Variants in ANGPT1 observed in about 807,000 individuals in gnomAD.
ANGPT1 encodes the protein angiopoietin 1.
ANGPT1 carries 17 observed loss-of-function variants against 62.2 expected under a neutral mutation model. That is an observed-to-expected ratio of 0.27 (90% CI 0.19 to 0.41). ANGPT1 has a LOEUF of 0.41. Among genes scored for constraint, ANGPT1 ranks in the 10% least tolerant of loss-of-function variants. The pLI, the probability that ANGPT1 is intolerant of heterozygous loss-of-function variation, is 1.00. For synonymous variants in ANGPT1, 199 were observed against 198.9 expected, an observed-to-expected ratio of 1.00 and a Z score of 0.00; for missense variants, 478 against 594.9, an observed-to-expected ratio of 0.80 and a Z score of 2.04.
chr8:107,392,637 T>C (rs1005587957), intron 1 of ANGPT1, among the ~76,000 whole-genome samples: 5 of 152,214 alleles, frequency 3.3e-5, no homozygotes, highest in Admixed American at 6.5e-5. Context: ...TATATCTATA[T>C]TGGATATATG....
intron 1 of ANGPT1, among the ~76,000 whole-genome samples, chr8:107,474,642 T>C (rs1298645131): frequency 2.0e-5 from 3 of 152,152 alleles, no homozygotes; most frequent in Non-Finnish European, 4.4e-5. Flanking sequence ...AGAAGTCAAA[T>C]TGTCCGTGTT....
intron 1 of ANGPT1, among the ~76,000 whole-genome samples, chr8:107,478,452 G>A (rs1812592299): frequency 6.6e-6 from 1 of 152,072 alleles, no homozygotes; most frequent in Non-Finnish European, 1.5e-5. Context: ...GGGAGGCTGA[G>A]GCAGGAGAAT....
intron 1 of ANGPT1, among the ~76,000 whole-genome samples, chr8:107,452,158 A>G (rs186798420): frequency 1.3e-5 from 2 of 151,598 alleles, no homozygotes; most frequent in Admixed American, 1.3e-4. Flanking sequence ...CTACCACAAT[A>G]TATACTATTT....
intron 1 of ANGPT1, among the ~76,000 whole-genome samples, chr8:107,365,856 A>AAAACAC (rs1816261030): frequency 6.8e-6 from 1 of 147,084 alleles, no homozygotes; most frequent in South Asian, 2.2e-4. Context: ...AAACAAATAC[A>AAAACAC]ACACACACAC....
intron 7 of ANGPT1, among the ~76,000 whole-genome samples, chr8:107,282,503 T>C (rs993374048): frequency 2.1e-5 from 3 of 143,020 alleles, no homozygotes; most frequent in East Asian, 2.0e-4. Context: ...GAAGAGTTCA[T>C]ATATATTATA....
At chr8:107,345,215 A>G (rs969374728) in intron 2 of ANGPT1, among the ~76,000 whole-genome samples, 3 of 152,132 alleles carry the variant, frequency 2.0e-5, no homozygotes, top group African/African-American at 7.2e-5. Flanking sequence ...TTCTCACTGT[A>G]TCTAATAAAC....
In ANGPT1 at chr8:107,303,364, A is replaced by G; in HGVS notation, c.812T>C (p.Leu271Ser). Residue 271 changes from leucine to serine, a missense_variant, in exon 5 of 9, where the codon TTA becomes TCA. This residue lies in a region of ANGPT1 where 343 missense variants were observed against 355.4 expected (regional missense o/e 0.97). Transcript: ENST00000517746. The part of the protein sequence containing the change: ...LVNLCTKEGV[L>S]LKGGKREEEK... The stretch of plus-strand genomic sequence containing the variant: ...TTCCTCTCTTTTTCCTCCCTTTAGT[A>G]AAACTGCAAAAAAAAAAAAAAAGAT... 6.4e-7 allele frequency: 1 copy of G among 1,568,846 alleles called. No individual in the cohort carries two copies. Among genetic ancestry groups the G allele is most frequent in the South Asian group, 1.2e-5 (1 of 85,912 alleles).
At chr8:107,396,902 G>A (rs1450595156) in intron 1 of ANGPT1, among the ~76,000 whole-genome samples, 1 of 151,844 alleles carries the variant, frequency 6.6e-6, no homozygotes, top group African/African-American at 2.4e-5. Context: ...ACTAAAAGTA[G>A]GTAGAAGCTG....
intron 1 of ANGPT1, among the ~76,000 whole-genome samples, chr8:107,370,443 C>T (rs532126951): frequency 1.3e-5 from 2 of 151,366 alleles, no homozygotes; most frequent in South Asian, 4.2e-4. Flanking sequence ...ATAATCCTAA[C>T]ACCTTGGGAG....
intron 4 of ANGPT1, among the ~76,000 whole-genome samples, chr8:107,316,781 C>T (rs1023114948): frequency 4.6e-5 from 7 of 152,094 alleles, no homozygotes; most frequent in Non-Finnish European, 4.4e-5. Flanking sequence ...ATAAACATGC[C>T]GTTTGTACTC....
At chr8:107,282,396 C>T (rs909256155) in intron 7 of ANGPT1, among the ~76,000 whole-genome samples, 1 of 143,892 alleles carries the variant, frequency 6.9e-6, no homozygotes, top group Non-Finnish European at 1.5e-5. Context: ...CCTTTTTGGG[C>T]AAAATTATAT....
chr8:107,370,831 T>A (rs10087648), intron 1 of ANGPT1, among the ~76,000 whole-genome samples: 112,450 of 150,468 alleles, frequency 0.75, 42,690 homozygotes, highest in East Asian at 0.87. Flanking sequence ...CCATAACAGA[T>A]AAAATGATAA....
intron 1 of ANGPT1, among the ~76,000 whole-genome samples, chr8:107,392,104 A>G (rs910734647): frequency 6.6e-6 from 1 of 152,218 alleles, no homozygotes; most frequent in African/African-American, 2.4e-5. Flanking sequence ...ATATCCTGGT[A>G]TGCGAAATCC....
chr8:107,459,634 T>A (rs1812015202), intron 1 of ANGPT1, among the ~76,000 whole-genome samples: 1 of 152,330 alleles, frequency 6.6e-6, no homozygotes, highest in South Asian at 2.1e-4. Flanking sequence ...TGGTCAGACC[T>A]CAAAGATGAC....
chr8:107,367,099 T>C (rs565801995), intron 1 of ANGPT1, among the ~76,000 whole-genome samples: 1 of 152,256 alleles, frequency 6.6e-6, no homozygotes, highest in South Asian at 2.1e-4. Flanking sequence ...TCACAAACTA[T>C]ATGAGATGAT....
At chr8:107,338,097 A>AAAAAT (rs1182795880) in intron 2 of ANGPT1, among the ~76,000 whole-genome samples, 2 of 152,108 alleles carry the variant, frequency 1.3e-5, no homozygotes, top group Non-Finnish European at 2.9e-5. Flanking sequence ...CCCTATCTCA[A>AAAAAT]AAAATAAAAT....
intron 1 of ANGPT1, among the ~76,000 whole-genome samples, chr8:107,488,356 C>T (rs1812868987): frequency 6.6e-6 from 1 of 152,098 alleles, no homozygotes; most frequent in South Asian, 2.1e-4. Context: ...TATTTTGAAA[C>T]TATGTTCCTT....
intron 7 of ANGPT1, among the ~76,000 whole-genome samples, chr8:107,274,096 G>A (rs894635633): frequency 6.6e-6 from 1 of 151,998 alleles, no homozygotes; most frequent in African/African-American, 2.4e-5. Flanking sequence ...GTGTCTGTTT[G>A]GTGTAACCAA....
chr8:107,275,544 C>CAGTCACATTTG (rs1312753885), intron 7 of ANGPT1, among the ~76,000 whole-genome samples: 1 of 152,138 alleles, frequency 6.6e-6, no homozygotes, highest in Non-Finnish European at 1.5e-5. Flanking sequence ...TGTAAGTGAA[C>CAGTCACATTTG]TGACTGTGTT....
Sources: allele counts gnomAD v4.1 joint callset (sites outside exome capture counted in the v4.1 genomes callset), GRCh38; gene constraint gnomAD v4.1.1; regional missense constraint gnomAD v4.1.1; transcripts MANE v1.5; gene names NCBI Gene and HGNC (gene_info 2026-07-23, HGNC 2026-07-21).